The following SPAG6 variants were observed in gnomAD, a reference collection of about 807,000 sequenced individuals.
SPAG6 encodes the protein sperm-associated antigen 6.
A neutral mutation model predicts 58.5 loss-of-function variants in SPAG6; 49 were observed. The ratio of observed to expected loss-of-function variants is 0.84; its 90% CI spans 0.67 to 1.06. The LOEUF (loss-of-function observed/expected upper bound fraction) is 1.06. Among genes scored for constraint, SPAG6 ranks in the 50% least tolerant of loss-of-function variants. SPAG6 has a pLI of 0.00. For synonymous variants in SPAG6, 233 were observed against 225.6 expected, an observed-to-expected ratio of 1.03 and a Z score of -0.29; for missense variants, 560 against 611.3, an observed-to-expected ratio of 0.92 and a Z score of 0.89.
chr10:22,411,007 AT>A (rs781610446), intron 9 of SPAG6, 23 bp from the exon 10 acceptor site: 1 of 1,597,464 alleles, frequency 6.3e-7, no homozygotes, highest in Admixed American at 1.8e-5. Flanking sequence ...AAAAGCTGAC[AT>A]TTTATGTGCT....
Position 22,416,930 on chromosome 10 carries a change from A to G in SPAG6, c.*242A>G. On this transcript the variant is annotated 3_prime_UTR_variant, in exon 11 of 11. Transcript: ENST00000376624. Reference sequence around the variant, plus strand: ...CAGGTAGATTTTAAAAACACGTTAAAGGGCCTTAAGGCATTTTGTTATTCT... The same window carrying G: ...CAGGTAGATTTTAAAAACACGTTAAGGGGCCTTAAGGCATTTTGTTATTCT... 1 of 329,508 alleles carries G rather than the reference A, an allele frequency of 3.0e-6. No individual in the cohort carries two copies. Among genetic ancestry groups the G allele is most frequent in the Non-Finnish European group, 5.7e-6 (1 of 176,616 alleles). 20.4% of individuals were successfully genotyped at this position (329,508 alleles called of 1,614,324 possible).
chr10:22,358,763 G>C (rs1166669822), intron 2 of SPAG6, among the ~76,000 whole-genome samples: 2 of 152,132 alleles, frequency 1.3e-5, no homozygotes, highest in African/African-American at 2.4e-5. Flanking sequence ...TTTGTATAAG[G>C]AGTAAGGAAG....
At chr10:22,390,531 A>G (rs1834162207) in intron 7 of SPAG6, among the ~76,000 whole-genome samples, 1 of 152,208 alleles carries the variant, frequency 6.6e-6, no homozygotes, top group Admixed American at 6.5e-5. Flanking sequence ...GTGTGGTACT[A>G]TAAAGACTAA....
intron 10 of SPAG6, among the ~76,000 whole-genome samples, chr10:22,413,953 A>T (rs1283260219): frequency 6.6e-6 from 1 of 152,146 alleles, no homozygotes; most frequent in Non-Finnish European, 1.5e-5. Flanking sequence ...TTACTAACCT[A>T]AATATTTATT....
rs1349634590 is a variant in SPAG6 at position 22,386,932 on chromosome 10, G to T, written c.651G>T (p.Met217Ile). The change falls in exon 5 of 11, where the codon ATG becomes ATT. Residue 217 changes from methionine to isoleucine, a missense_variant. Transcript: ENST00000376624. ...DAGAVAHLAQ[M>I]ILNPDAKLKH... Reference sequence around the variant, plus strand: ...GAGCTGTTGCTCATTTAGCCCAGATGATCCTGAACCCTGATGCTAAATTGA... The same window carrying T: ...GAGCTGTTGCTCATTTAGCCCAGATTATCCTGAACCCTGATGCTAAATTGA... The T allele has an allele frequency of 6.2e-7, 1 of 1,613,450 alleles. No homozygotes were observed. Among genetic ancestry groups the T allele is most frequent in the Non-Finnish European group, 8.5e-7 (1 of 1,179,678 alleles).
intron 9 of SPAG6, among the ~76,000 whole-genome samples, chr10:22,406,814 G>A (rs1218649862): frequency 6.6e-6 from 1 of 151,976 alleles, no homozygotes; most frequent in South Asian, 2.1e-4. Context: ...TATGAATCTT[G>A]GTGCTCCTGT....
At chr10:22,412,919 TTAAA>T (rs1441705743) in intron 10 of SPAG6, 4 of 152,554 alleles carry the variant, frequency 2.6e-5, no homozygotes, top group African/African-American at 9.7e-5. Context: ...TGTAAAACCG[TTAAA>T]TAAAGGAAAT....
chr10:22,395,230 G>A (rs1325590198), intron 8 of SPAG6, among the ~76,000 whole-genome samples: 1 of 152,122 alleles, frequency 6.6e-6, no homozygotes, highest in African/African-American at 2.4e-5. Flanking sequence ...GTTTTCGTGT[G>A]GATGTATGTT....
chr10:22,396,155 A>T (rs1402414783), intron 8 of SPAG6, among the ~76,000 whole-genome samples: 1 of 152,136 alleles, frequency 6.6e-6, no homozygotes, highest in East Asian at 1.9e-4. Flanking sequence ...AGCAGATCTC[A>T]TGAGAACTCT....
At chr10:22,412,411 A>T in intron 10 of SPAG6, 1 of 1,184,452 alleles carries the variant, frequency 8.4e-7, no homozygotes, top group Non-Finnish European at 1.2e-6. Context: ...TTTTAAGATT[A>T]AAATTTGTTT....
chr10:22,357,358 A>G (rs1836897240), intron 2 of SPAG6, among the ~76,000 whole-genome samples: 1 of 152,122 alleles, frequency 6.6e-6, no homozygotes, highest in Non-Finnish European at 1.5e-5. Context: ...GTCAAGGACA[A>G]TTGTGTTTTT....
Position 22,345,687 on chromosome 10 carries a change from G to C in SPAG6, c.26-36G>C, listed in dbSNP as rs770838239. On this transcript the variant is annotated intron_variant, in intron 1 of 10. Coordinates refer to ENST00000376624, the MANE Select transcript of SPAG6 (RefSeq NM_012443.4). The surrounding 1 kb of genome is among the most constrained non-coding windows in gnomAD (Gnocchi z 6.3). ...TAACTAGCTGGCGCCGAGGAGACCC[G>C]GGTGCGGTGGGCTCCACCGACTCTC... The C allele has an allele frequency of 2.5e-6, 4 of 1,592,754 alleles. No individual in the cohort carries two copies. The highest frequency in any genetic ancestry group is 3.5e-5 in the Admixed American group (2 of 57,184).
chr10:22,365,651 G>C (rs1019513584), intron 3 of SPAG6, among the ~76,000 whole-genome samples: 2 of 152,068 alleles, frequency 1.3e-5, no homozygotes, highest in Non-Finnish European at 2.9e-5. Flanking sequence ...ATTCTATTCT[G>C]TTAGTTTATC....
chr10:22,403,025 A>G (rs1253749008), intron 9 of SPAG6, among the ~76,000 whole-genome samples: 3 of 152,226 alleles, frequency 2.0e-5, no homozygotes, highest in Admixed American at 6.5e-5. Context: ...TTCAAAATAC[A>G]TAAAACCAGT....
At chr10:22,407,905 T>C (rs1296095303) in intron 9 of SPAG6, among the ~76,000 whole-genome samples, 1 of 151,048 alleles carries the variant, frequency 6.6e-6, no homozygotes, top group East Asian at 1.9e-4. Context: ...CCATTGCTGA[T>C]ACCCTTTCTT....
In SPAG6 at chr10:22,354,375, TG is replaced by T. The variant is rs1307412298; in HGVS notation, c.121+8558del. 2.4e-4 allele frequency among the ~76,000 whole-genome samples: 37 copies of T among 152,170 alleles called. 1 individual carries two copies. The highest frequency in any genetic ancestry group is 2.4e-3 in the Admixed American group (37 of 15,272). ...CTTGGACACATTAGCACCATTCATC[TG>T]TAGAGAAAGGATGCAAAGAGCAGAG... On this transcript the variant is annotated intron_variant, in intron 2 of 10. Coordinates refer to ENST00000376624, the MANE Select transcript of SPAG6 (RefSeq NM_012443.4).
At chr10:22,407,304 C>T (rs887508944) in intron 9 of SPAG6, among the ~76,000 whole-genome samples, 3 of 151,778 alleles carry the variant, frequency 2.0e-5, no homozygotes, top group African/African-American at 7.3e-5. Context: ...TTTAGCGCTT[C>T]CTTCAGGAGC....
At chr10:22,405,028 GA>G (rs1225853121) in intron 9 of SPAG6, among the ~76,000 whole-genome samples, 1 of 152,200 alleles carries the variant, frequency 6.6e-6, no homozygotes, top group East Asian at 1.9e-4. Context: ...AGCTTAAAGA[GA>G]TTTTGGGCTG....
At chr10:22,375,682 G>A (rs190537397) in intron 4 of SPAG6, among the ~76,000 whole-genome samples, 33 of 150,500 alleles carry the variant, frequency 2.2e-4, no homozygotes, top group Non-Finnish European at 3.5e-4. Flanking sequence ...AGGTTCAAGC[G>A]ATTCTCCTGC....
Sources: allele counts gnomAD v4.1 joint callset (sites outside exome capture counted in the v4.1 genomes callset), GRCh38; gene constraint gnomAD v4.1.1; non-coding constraint Gnocchi (gnomAD v3.1); transcripts MANE v1.5; gene names NCBI Gene and HGNC (gene_info 2026-07-23, HGNC 2026-07-21).